The following UBE4B variants were observed in gnomAD, a reference collection of about 807,000 sequenced individuals.
UBE4B encodes ubiquitin conjugation factor E4 B.
In UBE4B, 27 loss-of-function variants were observed where a neutral mutation model predicts 148.1. The observed-to-expected ratio is 0.18, with a 90% CI of 0.13 to 0.25. The LOEUF (loss-of-function observed/expected upper bound fraction) is 0.25, where lower values mean the gene tolerates loss of function less well. Ranked by LOEUF, UBE4B falls within the 10% of genes least tolerant of loss-of-function variation. UBE4B has a pLI of 1.00. For missense variants in UBE4B, 1,170 were observed against 1,662.4 expected, an observed-to-expected ratio of 0.70 and a Z score of 5.15; for synonymous variants, 596 against 619.3, an observed-to-expected ratio of 0.96 and a Z score of 0.56.
rs1459930107 is a variant in UBE4B, at chr1:10,155,082, AGAGTGT to A, written c.2927-3272_2927-3267del. On this transcript the variant is annotated intron_variant, in intron 21 of 27. Transcript: ENST00000343090. ...GGCTTCAGGAGAGAGAGAGAGAGAG[AGAGTGT>A]GTGTGTGTGTGTGTGTGTGTGTTTG... Among the ~76,000 whole-genome samples the A allele has an allele frequency of 4.6e-4, 68 of 147,592 alleles. 1 individual carries two copies. Among genetic ancestry groups the A allele is most frequent in the African/African-American group, 1.5e-3 (58 of 38,282 alleles).
In UBE4B at chr1:10,168,457, G is replaced by C. The variant is rs1646288453; in HGVS notation, c.3333+187G>C. Among the ~76,000 whole-genome samples, 1 of 152,188 alleles carries C rather than the reference G, an allele frequency of 6.6e-6. No homozygotes were observed. The highest frequency in any genetic ancestry group is 1.5e-5 in the Non-Finnish European group (1 of 68,030). ...CCAGACTCTGTTGATGGACTGAAGA[G>C]CAGATGTCTGATGTCACCACATAGT... On this transcript the variant is annotated intron_variant, in intron 24 of 27. Transcript: ENST00000343090. This position sits in a 1 kb window ranked among gnomAD's most constrained non-coding sequence, Gnocchi z 4.9.
intron 2 of UBE4B, among the ~76,000 whole-genome samples, chr1:10,092,226 T>C (rs1644859004): frequency 6.6e-6 from 1 of 151,720 alleles, no homozygotes; most frequent in African/African-American, 2.4e-5. Context: ...CCATCTCTTT[T>C]GTTTTGTTTT....
At chr1:10,144,439 A>G (rs1340577200) in intron 17 of UBE4B, among the ~76,000 whole-genome samples, 1 of 152,190 alleles carries the variant, frequency 6.6e-6, no homozygotes, top group Non-Finnish European at 1.5e-5. Flanking sequence ...AGGAACCAAT[A>G]AAAAAGAAAA....
chr1:10,171,939 G>A lies in UBE4B; in HGVS notation c.3525+610G>A, dbSNP rs184592009. On this transcript the variant is annotated intron_variant, in intron 25 of 27. Coordinates refer to ENST00000343090, the MANE Select transcript of UBE4B (RefSeq NM_001105562.3). ...AACAAAAGTAAAGAGCAGGTTTGGC[G>A]CTCTGAGCCCTCTCCAGTTGAGTTC... Among the ~76,000 whole-genome samples, 390 of 152,202 alleles carry A rather than the reference G, an allele frequency of 2.6e-3. 5 individuals carry two copies. Among genetic ancestry groups the A allele is most frequent in the Non-Finnish European group, 3.7e-3 (249 of 68,014 alleles).
rs1645377401 is a variant in UBE4B at position 10,119,564 on chromosome 1, T to G, written c.1390T>G (p.Cys464Gly). The change falls in exon 9 of 28, where the codon TGC becomes GGC. Residue 464 changes from cysteine (C) to glycine (G), a missense_variant. Physicochemically the swap from Cys to Gly is radical, Grantham distance 159. Transcript: ENST00000343090. ...SQLLSNIRSQ[C>G]ISHTALVLQG... is the part of the protein sequence containing the mutation. Reference sequence around the variant, plus strand: ...GCTTCTGAGCAACATCCGCTCACAGTGCATATCCCATACTGCTTTAGTACT... The same window carrying G: ...GCTTCTGAGCAACATCCGCTCACAGGGCATATCCCATACTGCTTTAGTACT... 1.1e-5 allele frequency: 17 copies of G among 1,613,686 alleles called. No homozygotes were observed. The highest frequency in any genetic ancestry group is 1.4e-5 in the Non-Finnish European group (16 of 1,179,684).
At chr1:10,042,322 A>G (rs574353582) in intron 1 of UBE4B, among the ~76,000 whole-genome samples, 4 of 152,202 alleles carry the variant, frequency 2.6e-5, no homozygotes, top group Non-Finnish European at 5.9e-5. Context: ...ACGTTGCTGT[A>G]TGGAGCTTCG....
intron 1 of UBE4B, among the ~76,000 whole-genome samples, chr1:10,051,218 G>T (rs1173128402): frequency 6.6e-6 from 1 of 152,146 alleles, no homozygotes; most frequent in Non-Finnish European, 1.5e-5. Context: ...TCTGGGGAAA[G>T]TACTTAATCT....
At chr1:10,060,879 G>T (rs1194115040) in intron 1 of UBE4B, among the ~76,000 whole-genome samples, 1 of 151,896 alleles carries the variant, frequency 6.6e-6, no homozygotes, top group African/African-American at 2.4e-5. Flanking sequence ...GAGTAGTTAC[G>T]ACTACAGGCA....
rs977373742 is a variant in UBE4B, at chr1:10,168,732, A to C, written c.3333+462A>C. Among the ~76,000 whole-genome samples, 20 of 152,232 alleles carry C rather than the reference A, an allele frequency of 1.3e-4. No individual in the cohort carries two copies. In the East Asian group the frequency reaches 3.9e-3, roughly 29 times the overall value. On this transcript the variant is annotated intron_variant, in intron 24 of 27. Coordinates refer to ENST00000343090, the MANE Select transcript of UBE4B (RefSeq NM_001105562.3). This position sits in a 1 kb window ranked among gnomAD's most constrained non-coding sequence, Gnocchi z 4.9. ...ACAGTGAAACCCCATCTCTACTAAA[A>C]GTACAAAAAATTAGCTGGGCGTGGT...
chr1:10,150,067 G>A (rs1645944599), intron 20 of UBE4B, among the ~76,000 whole-genome samples: 1 of 152,084 alleles, frequency 6.6e-6, no homozygotes, highest in Non-Finnish European at 1.5e-5. Flanking sequence ...AACAAAATTA[G>A]TATAAATGAT....
intron 25 of UBE4B, among the ~76,000 whole-genome samples, chr1:10,175,477 CCA>C: frequency 6.7e-6 from 1 of 148,186 alleles, no homozygotes; most frequent in South Asian, 2.1e-4. Context: ...CGGTGAAACC[CCA>C]TCTCTACTAA....
At chr1:10,053,142 A>T (rs1442824948) in intron 1 of UBE4B, among the ~76,000 whole-genome samples, 1 of 151,156 alleles carries the variant, frequency 6.6e-6, no homozygotes, top group African/African-American at 2.4e-5. Flanking sequence ...CATGGCTTTT[A>T]TTTATTTATT....
intron 1 of UBE4B, among the ~76,000 whole-genome samples, chr1:10,037,820 T>C (rs1212317321): frequency 6.6e-6 from 1 of 151,834 alleles, no homozygotes; most frequent in Non-Finnish European, 1.5e-5. Flanking sequence ...CCTCCCAAAG[T>C]GCTGAGATTA....
intron 5 of UBE4B, among the ~76,000 whole-genome samples, chr1:10,104,776 T>A (rs1411915107): frequency 6.6e-6 from 1 of 152,224 alleles, no homozygotes; most frequent in Non-Finnish European, 1.5e-5. Context: ...AGATAAAATT[T>A]CCATGAGTTA....
chr1:10,175,507 C>T (rs987411958), intron 25 of UBE4B, among the ~76,000 whole-genome samples: 31 of 147,240 alleles, frequency 2.1e-4, no homozygotes, highest in East Asian at 6.1e-4. Context: ...AAAAATTAGC[C>T]AGGCGTGGTG....
chr1:10,106,460 G>A lies in UBE4B; in HGVS notation c.1073G>A (p.Ser358Asn). 2 of 1,613,964 alleles carry A rather than the reference G, an allele frequency of 1.2e-6. No individual in the cohort carries two copies. The highest frequency in any genetic ancestry group is 1.7e-6 in the Non-Finnish European group (2 of 1,180,004). ...SSSPSPPALA[S>N]SPQAVPASSS... ...TCCCCAAGTCCCCCTGCCCTCGCCAGTAGCCCCCAAGCAGTGCCCGCCAGC... is the reference window on the plus strand; with the variant it reads ...TCCCCAAGTCCCCCTGCCCTCGCCAATAGCCCCCAAGCAGTGCCCGCCAGC... Residue 358 changes from serine (S) to asparagine (N), a missense_variant, in exon 7 of 28, where the codon AGT becomes AAT. Ser to Asn is a conservative substitution (Grantham distance 46). Coordinates refer to ENST00000343090, the MANE Select transcript of UBE4B (RefSeq NM_001105562.3). The surrounding 1 kb of genome is among the most constrained non-coding windows in gnomAD (Gnocchi z 4.2).
At chr1:10,074,485 A>G (rs1449949519) in intron 2 of UBE4B, among the ~76,000 whole-genome samples, 10 of 151,924 alleles carry the variant, frequency 6.6e-5, no homozygotes. Context: ...GAACTTCCGG[A>G]ATGAGTTGCC....
chr1:10,154,189 G>T (rs1646028161), intron 21 of UBE4B, among the ~76,000 whole-genome samples: 1 of 152,150 alleles, frequency 6.6e-6, no homozygotes, highest in South Asian at 2.1e-4. Flanking sequence ...GTTGCAATGA[G>T]CCAAGATCGC....
chr1:10,121,997 T>C lies in UBE4B; in HGVS notation c.1475T>C (p.Met492Thr). 6.2e-7 allele frequency: 1 copy of C among 1,613,694 alleles called. No individual in the cohort carries two copies. Among genetic ancestry groups the C allele is most frequent in the Non-Finnish European group, 8.5e-7 (1 of 1,179,812 alleles). Residue 492 changes from methionine (M) to threonine (T), a missense_variant, in exon 10 of 28, where the codon ATG becomes ACG. Around this residue, in one of 6 missense-constraint regions of UBE4B, gnomAD observed 388 missense variants for 536.0 expected, o/e 0.72. Coordinates refer to ENST00000343090, the MANE Select transcript of UBE4B (RefSeq NM_001105562.3). ...CAGCCGTCCTTCCTAGTGCCGTATA[T>C]GCTGTGTAGGAATCTCCCATATGGC... ...LQQPSFLVPY[M>T]LCRNLPYGFI...
Sources: gnomAD v4.1 joint callset for allele counts (sites outside exome capture counted in the v4.1 genomes callset) on GRCh38, gnomAD v4.1.1 for gene constraint, gnomAD v4.1.1 regional missense constraint, Gnocchi (gnomAD v3.1) non-coding constraint, MANE v1.5 for transcripts, NCBI Gene and HGNC (gene_info 2026-07-23, HGNC 2026-07-21) for gene names.